The following BFSP1 variants were observed in gnomAD, a reference collection of about 807,000 sequenced individuals.
BFSP1 encodes the protein filensin.
Under a neutral mutation model 43.9 loss-of-function variants are expected in BFSP1, and 38 were observed. That is an observed-to-expected ratio of 0.87 (90% CI 0.67 to 1.14). The LOEUF is 1.14. Among genes scored for constraint, BFSP1 ranks in the 50% most tolerant of loss-of-function variants. BFSP1 has a pLI of 0.00. For synonymous variants in BFSP1, 352 were observed against 354.8 expected (o/e 0.99, Z 0.09); for missense variants, 850 against 875.1 (o/e 0.97, Z 0.36).
At chr20:17,513,104 C>T (rs966489838) in intron 3 of BFSP1, among the ~76,000 whole-genome samples, 1 of 152,168 alleles carries the variant, frequency 6.6e-6, no homozygotes, top group Non-Finnish European at 1.5e-5. Flanking sequence ...CTCTCAACTC[C>T]TTGAGGGACC....
chr20:17,532,238 C>T (rs1409446584), upstream of BFSP1, among the ~76,000 whole-genome samples: 2 of 150,322 alleles, frequency 1.3e-5, no homozygotes, highest in Admixed American at 1.3e-4. Context: ...AACTCCGTCT[C>T]TACTAAAAAT....
chr20:17,508,788 A>G, intron 5 of BFSP1, 101 bp downstream of exon 5: 1 of 1,103,388 alleles, frequency 9.1e-7, no homozygotes, highest in Non-Finnish European at 1.3e-6. Flanking sequence ...GGATATGTTC[A>G]GCGTGTGACA....
Position 17,531,319 on chromosome 20 carries a change from C to T in BFSP1, c.11G>A (p.Arg4His). The T allele has an allele frequency of 1.4e-6, 2 of 1,461,310 alleles. No individual in the cohort carries two copies. Among genetic ancestry groups the T allele is most frequent in the Non-Finnish European group, 1.8e-6 (2 of 1,113,170 alleles). 90.5% of individuals were successfully genotyped at this position (1,461,310 alleles called of 1,614,324 possible). Residue 4 changes from arginine (R) to histidine (H), a missense_variant, in exon 1 of 8, where the codon CGC (arginine) becomes CAC (histidine). Arg to His is a conservative substitution (Grantham distance 29). Transcript: ENST00000377873. ...CTTGCGGGTCTGGAAGACGTAGCTG[C>T]GCCGGTACATGGCTGCTCTGGCGCG... MYR[R>H]SYVFQTRKEQ...
intron 1 of BFSP1, among the ~76,000 whole-genome samples, chr20:17,528,907 CA>C (rs377717966): frequency 2.0e-5 from 3 of 152,292 alleles, no homozygotes; most frequent in African/African-American, 7.2e-5. Flanking sequence ...TACCCTATGC[CA>C]AGGGTTCCCA....
At chr20:17,552,355 G>A (rs1193818423) in intron 1 of BFSP1, among the ~76,000 whole-genome samples, 2 of 152,200 alleles carry the variant, frequency 1.3e-5, no homozygotes, top group African/African-American at 4.8e-5. Flanking sequence ...CATGGCAAGA[G>A]TGGGGCAGGT....
chr20:17,542,491 C>A (rs2034735122), intron 1 of BFSP1, among the ~76,000 whole-genome samples: 1 of 151,154 alleles, frequency 6.6e-6, no homozygotes, highest in Non-Finnish European at 1.5e-5. Context: ...CTCTGCTACT[C>A]AGGAGGCTGA....
intron 1 of BFSP1, among the ~76,000 whole-genome samples, chr20:17,551,245 G>A (rs776980660): frequency 3.9e-5 from 6 of 152,200 alleles, no homozygotes; most frequent in Non-Finnish European, 8.8e-5. Context: ...TTCTGAGGAG[G>A]CCTCAGGGAG....
chr20:17,520,751 C>G (rs1330241585), intron 2 of BFSP1, among the ~76,000 whole-genome samples: 1 of 152,314 alleles, frequency 6.6e-6, no homozygotes, highest in East Asian at 1.9e-4. Context: ...AGTTTCCTCT[C>G]CTTCTCTTCT....
At chr20:17,552,229 G>A (rs531516123) in intron 1 of BFSP1, among the ~76,000 whole-genome samples, 6 of 152,274 alleles carry the variant, frequency 3.9e-5, no homozygotes, top group African/African-American at 1.2e-4. Flanking sequence ...AGTAGAGAAC[G>A]GAAGGAAGTG....
In BFSP1 at chr20:17,537,031, G is replaced by T. The variant is rs968132609; in HGVS notation, c.3-12123C>A. ...CCGTCTGTGGTGCTTTGTTCTGGAAGCCCTAGCAAACGAATACACTGCTCT... is the reference window on the plus strand; with the variant it reads ...CCGTCTGTGGTGCTTTGTTCTGGAATCCCTAGCAAACGAATACACTGCTCT... On this transcript the variant is annotated intron_variant, in intron 1 of 7. Coordinates refer to the BFSP1 transcript ENST00000377868. 7.2e-5 allele frequency among the ~76,000 whole-genome samples: 11 copies of T among 152,252 alleles called. 1 individual carries two copies. In the East Asian group the frequency reaches 1.7e-3, roughly 24 times the overall value.
At chr20:17,504,937 T>G (rs528820600) in intron 5 of BFSP1, among the ~76,000 whole-genome samples, 1 of 132,888 alleles carries the variant, frequency 7.5e-6, no homozygotes, top group African/African-American at 3.1e-5. Context: ...TGTTTTTGTT[T>G]TGTCTTAAAA....
chr20:17,516,566 C>A (rs2034205667), intron 2 of BFSP1, among the ~76,000 whole-genome samples: 1 of 152,138 alleles, frequency 6.6e-6, no homozygotes, highest in Non-Finnish European at 1.5e-5. Context: ...GTTGTATGGA[C>A]CTTGGGGGCC....
chr20:17,548,193 A>G (rs942657294), intron 1 of BFSP1, among the ~76,000 whole-genome samples: 1 of 150,848 alleles, frequency 6.6e-6, no homozygotes, highest in South Asian at 2.1e-4. Flanking sequence ...AAAAAAAAAA[A>G]AAAAAAGAAA....
At chr20:17,505,233 G>A (rs2123472567) in intron 5 of BFSP1, among the ~76,000 whole-genome samples, 1 of 152,302 alleles carries the variant, frequency 6.6e-6, no homozygotes, top group South Asian at 2.1e-4. Flanking sequence ...TCCAAGCCCA[G>A]GCACTATTCT....
chr20:17,546,583 T>C (rs1389172289), intron 1 of BFSP1, among the ~76,000 whole-genome samples: 1 of 151,888 alleles, frequency 6.6e-6, no homozygotes. Flanking sequence ...ACACCTGTAG[T>C]CCCCACTACT....
intron 1 of BFSP1, among the ~76,000 whole-genome samples, chr20:17,539,213 C>A (rs187377277): frequency 6.9e-6 from 1 of 145,348 alleles, no homozygotes; most frequent in African/African-American, 2.6e-5. Flanking sequence ...TGGGCTCAAG[C>A]GACTCACCCA....
At chr20:17,555,971 A>G (rs992522507) in intron 1 of BFSP1, among the ~76,000 whole-genome samples, 46 of 152,314 alleles carry the variant, frequency 3.0e-4, no homozygotes, top group African/African-American at 9.9e-4. Context: ...GAATGAAGAA[A>G]TCAGTGGAGA....
chr20:17,520,345 G>A (rs1377062451), intron 2 of BFSP1, among the ~76,000 whole-genome samples: 1 of 151,798 alleles, frequency 6.6e-6, no homozygotes, highest in African/African-American at 2.4e-5. Flanking sequence ...GAGCATTATT[G>A]AAAATCAGCC....
At chr20:17,559,870 A>G (rs1178408653), upstream of BFSP1, among the ~76,000 whole-genome samples, 2 of 152,158 alleles carry the variant, frequency 1.3e-5, no homozygotes, top group South Asian at 4.1e-4. Context: ...CCAGTCCTTG[A>G]TGCCAAAAAT....
Sources: gnomAD v4.1 joint callset for allele counts (sites outside exome capture counted in the v4.1 genomes callset) on GRCh38, gnomAD v4.1.1 for gene constraint, MANE v1.5 for transcripts, NCBI Gene and HGNC (gene_info 2026-07-23, HGNC 2026-07-21) for gene names.